Variants in STAG1 observed in about 807,000 individuals in gnomAD.
The protein encoded by STAG1 is cohesin subunit SA-1.
In STAG1, 26 loss-of-function variants were observed where a neutral mutation model predicts 170.9. The ratio of observed to expected loss-of-function variants is 0.15; its 90% confidence interval spans 0.11 to 0.21. The LOEUF is 0.21. Among genes scored for constraint, STAG1 ranks in the 10% least tolerant of loss-of-function variants. The pLI is 1.00. For missense variants in STAG1, 964 were observed against 1,509.5 expected (o/e 0.64, Z 5.99); for synonymous variants, 514 against 497.7 (o/e 1.03, Z -0.44).
At chr3:136,435,409 G>C (rs1259352913) in intron 15 of STAG1, among the ~76,000 whole-genome samples, 1 of 152,138 alleles carries the variant, frequency 6.6e-6, no homozygotes, top group Non-Finnish European at 1.5e-5. Context: ...CCCAGAGTCA[G>C]TTCTCTTAAG....
At chr3:136,351,889 G>A (rs570918988) in intron 28 of STAG1, among the ~76,000 whole-genome samples, 8 of 152,078 alleles carry the variant, frequency 5.3e-5, no homozygotes, top group Non-Finnish European at 7.4e-5. Context: ...GGGTTTAAGC[G>A]CAACCTTTGA....
chr3:136,724,205 A>T (rs1440192704), intron 1 of STAG1, among the ~76,000 whole-genome samples: 2 of 152,112 alleles, frequency 1.3e-5, no homozygotes, highest in African/African-American at 4.8e-5. Flanking sequence ...GATGGTTGCC[A>T]TGTCTGTGTA....
chr3:136,369,406 T>C (rs1219497427), intron 23 of STAG1, 124 bp from the exon 24 acceptor site: 10 of 681,414 alleles, frequency 1.5e-5, no homozygotes, highest in Non-Finnish European at 2.2e-6. Context: ...ATTTTCAGTA[T>C]TTAAATTCCA....
intron 6 of STAG1, among the ~76,000 whole-genome samples, chr3:136,526,547 C>A (rs188226896): frequency 6.6e-6 from 1 of 152,270 alleles, no homozygotes; most frequent in Admixed American, 6.5e-5. Context: ...GACTCTTTAT[C>A]CAATTTGCCA....
chr3:136,417,123 T>C (rs1028236540), intron 21 of STAG1, among the ~76,000 whole-genome samples: 2 of 152,144 alleles, frequency 1.3e-5, no homozygotes. Context: ...GCTGGAATTA[T>C]AGGCGTGAAC....
intron 9 of STAG1, among the ~76,000 whole-genome samples, chr3:136,485,540 TTTC>T (rs1437958801): frequency 6.6e-6 from 1 of 152,194 alleles, no homozygotes; most frequent in African/African-American, 2.4e-5. Context: ...GACAAGAATA[TTTC>T]TTTTTTCAGA....
chr3:136,626,445 A>G (rs2107834407), intron 2 of STAG1, among the ~76,000 whole-genome samples: 1 of 152,154 alleles, frequency 6.6e-6, no homozygotes, highest in Admixed American at 6.5e-5. Flanking sequence ...AAAAACCAAA[A>G]AAACAAAAAA....
At chr3:136,551,180 T>TGA (rs200766766) in intron 5 of STAG1, among the ~76,000 whole-genome samples, 4 of 139,600 alleles carry the variant, frequency 2.9e-5, no homozygotes, top group African/African-American at 5.5e-5. Flanking sequence ...TTTTTTTTTT[T>TGA]GAGAGAGAGA....
At chr3:136,661,774 T>C (rs1202026333) in intron 1 of STAG1, among the ~76,000 whole-genome samples, 1 of 152,196 alleles carries the variant, frequency 6.6e-6, no homozygotes, top group Non-Finnish European at 1.5e-5. Flanking sequence ...CTAATAGCTG[T>C]TGTCTCTTAA....
At chr3:136,676,032 A>G (rs935676370) in intron 1 of STAG1, among the ~76,000 whole-genome samples, 1 of 152,282 alleles carries the variant, frequency 6.6e-6, no homozygotes, top group Non-Finnish European at 1.5e-5. Context: ...AAACCTGTAC[A>G]TCATGTTACT....
At chr3:136,560,548 T>C (rs9857966) in intron 5 of STAG1, among the ~76,000 whole-genome samples, 26,414 of 152,164 alleles carry the variant, frequency 0.17, 2,859 homozygotes, top group Non-Finnish European at 0.24. Flanking sequence ...GTCAACAGTG[T>C]TTAAATCAAC....
At chr3:136,643,357 G>C (rs1940874877) in intron 1 of STAG1, among the ~76,000 whole-genome samples, 1 of 152,140 alleles carries the variant, frequency 6.6e-6, no homozygotes, top group Admixed American at 6.5e-5. Context: ...ACAATAAAGA[G>C]ATAAACATGA....
intron 4 of STAG1, among the ~76,000 whole-genome samples, chr3:136,576,896 T>C (rs1937482756): frequency 1.3e-5 from 2 of 152,204 alleles, no homozygotes; most frequent in Non-Finnish European, 2.9e-5. Context: ...GTAGATTCGT[T>C]TGCTTTGGAG....
At position 136,597,522 on chromosome 3, in the gene STAG1, T is replaced by C. The variant is rs530849836; in HGVS notation, c.297+6787A>G. ...GTTTTTAAAATAGTAGTTTATTCTG[T>C]TCCACCCAAATTTTTTATTAGATTT... On this transcript the variant is annotated intron_variant, in intron 4 of 33. Transcript: ENST00000383202. 1.2e-4 allele frequency among the ~76,000 whole-genome samples: 18 copies of C among 152,334 alleles called. No individual in the cohort carries two copies. The East Asian group carries it at 3.5e-3, about 29-fold the overall frequency.
intron 1 of STAG1, among the ~76,000 whole-genome samples, chr3:136,663,618 A>G (rs1282954716): frequency 6.6e-6 from 1 of 152,218 alleles, no homozygotes; most frequent in African/African-American, 2.4e-5. Flanking sequence ...ACTCTTAGAA[A>G]AACTGGAAAA....
intron 14 of STAG1, among the ~76,000 whole-genome samples, chr3:136,445,140 T>C (rs191132974): frequency 3.2e-4 from 48 of 152,220 alleles, no homozygotes; most frequent in Non-Finnish European, 6.2e-4. Flanking sequence ...GTACTTCATT[T>C]CGACTGCATT....
intron 5 of STAG1, among the ~76,000 whole-genome samples, chr3:136,558,066 T>C (rs986136080): frequency 2.0e-5 from 3 of 152,120 alleles, no homozygotes; most frequent in Non-Finnish European, 2.9e-5. Flanking sequence ...AGCTGCAATA[T>C]ACATAACAAA....
chr3:136,515,867 C>T (rs1186943889), intron 7 of STAG1, among the ~76,000 whole-genome samples: 3 of 151,970 alleles, frequency 2.0e-5, no homozygotes, highest in African/African-American at 7.2e-5. Context: ...CCCACGAGAA[C>T]ATCAGAAGTC....
chr3:136,663,885 T>C (rs917203663), intron 1 of STAG1, among the ~76,000 whole-genome samples: 16 of 152,176 alleles, frequency 1.1e-4, no homozygotes, highest in Non-Finnish European at 2.2e-4. Context: ...TAAGAAAAAG[T>C]AAGCAAAGGA....
Sources: allele counts gnomAD v4.1 joint callset (sites outside exome capture counted in the v4.1 genomes callset), GRCh38; gene constraint gnomAD v4.1.1; transcripts MANE v1.5; gene names NCBI Gene and HGNC (gene_info 2026-07-23, HGNC 2026-07-21).